Variants in NECAB2 observed in about 807,000 individuals in gnomAD.
NECAB2 encodes the protein N-terminal EF-hand calcium-binding protein 2.
A neutral mutation model predicts 51.9 loss-of-function variants in NECAB2; 68 were observed. The ratio of observed to expected loss-of-function variants is 1.31; its 90% CI spans 1.08 to 1.60. The LOEUF (loss-of-function observed/expected upper bound fraction) is 1.60. Ranked by LOEUF, NECAB2 falls within the 40% of genes most tolerant of loss-of-function variation. The pLI is 0.00. For missense variants in NECAB2, 854 were observed against 490.3 expected (o/e 1.74, Z -7.00); for synonymous variants, 329 against 203.5 (o/e 1.62, Z -5.25).
Position 84,000,747 on chromosome 16 carries a change from A to G in NECAB2, c.986A>G (p.Asp329Gly), listed in dbSNP as rs2084813449. ...CFHITAVRLS[D>G]GFTFVIYEFW... is the part of the protein sequence containing the mutation. ...AGCATCACTGCCGTGAGGCTCTCAG[A>G]TGGCTTCACCTTTGTCATCTATGAG... is the stretch of plus-strand genomic sequence containing the variant. Residue 329 changes from aspartate to glycine, a missense_variant, in exon 11 of 13, where the codon GAT (aspartate) becomes GGT (glycine). Asp to Gly is a moderately conservative substitution (Grantham distance 94). Transcript: ENST00000305202. 5 of 1,613,852 alleles carry G rather than the reference A, an allele frequency of 3.1e-6. No individual in the cohort carries two copies. In the African/African-American group the frequency reaches 4.0e-5, roughly 13 times the overall value.
Position 83,978,437 on chromosome 16 carries a change from C to T in NECAB2, c.227-7C>T, listed in dbSNP as rs771515727. On this transcript the variant is annotated splice_polypyrimidine_tract_variant and splice_region_variant and intron_variant, in intron 2 of 12. Coordinates refer to ENST00000305202, the MANE Select transcript of NECAB2 (RefSeq NM_019065.3). The stretch of plus-strand genomic sequence containing the variant: ...ACCAGCTCCTTTCTCTGCTTCCTTC[C>T]TTGCAGATGATGGGAAGCTGTCCTT... 9.9e-6 allele frequency: 16 copies of T among 1,612,408 alleles called. No homozygotes were observed. Among genetic ancestry groups the T allele is most frequent in the Admixed American group, 1.7e-5 (1 of 60,006 alleles).
chr16:83,984,883 A>T (rs974177138), intron 5 of NECAB2, among the ~76,000 whole-genome samples: 1 of 152,070 alleles, frequency 6.6e-6, no homozygotes, highest in Non-Finnish European at 1.5e-5. Context: ...ATTTCATGAC[A>T]TGTTTTCTTA....
At chr16:83,999,464 A>C (rs1423690986) in intron 10 of NECAB2, among the ~76,000 whole-genome samples, 2 of 152,206 alleles carry the variant, frequency 1.3e-5, no homozygotes, top group African/African-American at 2.4e-5. Context: ...CTGGAGAGCC[A>C]GGTGAGATTC....
At chr16:83,989,527 G>A (rs2084595403) in intron 5 of NECAB2, among the ~76,000 whole-genome samples, 1 of 152,180 alleles carries the variant, frequency 6.6e-6, no homozygotes, top group African/African-American at 2.4e-5. Flanking sequence ...CAGGGACTGG[G>A]CAGAAATCCA....
chr16:83,998,388 G>A (rs973383932), intron 10 of NECAB2, 71 bp downstream of exon 10: 2 of 1,440,756 alleles, frequency 1.4e-6, no homozygotes, highest in African/African-American at 1.4e-5. Flanking sequence ...GAACAGGGCA[G>A]GACTAGGCTT....
upstream of NECAB2, among the ~76,000 whole-genome samples, chr16:83,967,179 C>T (rs1388180804): frequency 6.6e-6 from 1 of 152,096 alleles, no homozygotes; most frequent in Non-Finnish European, 1.5e-5. Flanking sequence ...TCCAGCAGTT[C>T]AGTTTTAATT....
At chr16:83,985,313 CAAAAAAAAAAAAAAAAAAAAA>C (rs71148868) in intron 5 of NECAB2, among the ~76,000 whole-genome samples, 3 of 30,160 alleles carry the variant, frequency 9.9e-5, no homozygotes, top group Admixed American at 7.6e-4. Context: ...ATCTCTGTCT[CAAAAAAAAAAAAAAAAAAAAA>C]AAAAAAAAAA....
intron 6 of NECAB2, among the ~76,000 whole-genome samples, chr16:83,991,035 G>A (rs1461971300): frequency 6.6e-6 from 1 of 152,142 alleles, no homozygotes; most frequent in African/African-American, 2.4e-5. Context: ...GCCCAGGAGT[G>A]CAGTGGCGTG....
intron 10 of NECAB2, among the ~76,000 whole-genome samples, chr16:84,000,523 G>C (rs1425672116): frequency 6.6e-6 from 1 of 152,178 alleles, no homozygotes; most frequent in Non-Finnish European, 1.5e-5. Flanking sequence ...TTAATAAATA[G>C]CTGTTGGCCA....
rs956517375 is a variant in NECAB2 at position 84,002,766 on chromosome 16, G to C, written c.*420G>C. On this transcript the variant is annotated 3_prime_UTR_variant, in exon 13 of 13. Coordinates refer to ENST00000305202, the MANE Select transcript of NECAB2 (RefSeq NM_019065.3). ...TGTGCCCAGGCGCCAAATAAACCCT[G>C]GTTGGGAAGAGCTGTGTGCTCTGTG... The C allele has an allele frequency of 4.7e-6, 1 of 212,504 alleles. No homozygotes were observed. The highest frequency in any genetic ancestry group is 2.3e-5 in the African/African-American group (1 of 44,140). 13.2% of individuals were successfully genotyped at this position (212,504 alleles called of 1,614,324 possible).
intron 10 of NECAB2, among the ~76,000 whole-genome samples, chr16:83,999,863 G>C (rs1158016926): frequency 6.9e-6 from 1 of 144,804 alleles, no homozygotes; most frequent in Non-Finnish European, 1.5e-5. Flanking sequence ...AAGATGCTTT[G>C]ATTTTTAAAG....
chr16:83,983,389 C>G (rs1459402059), intron 5 of NECAB2, among the ~76,000 whole-genome samples: 2 of 152,176 alleles, frequency 1.3e-5, no homozygotes, highest in African/African-American at 4.8e-5. Flanking sequence ...GGGGCACGGC[C>G]AGGCATGCTT....
In NECAB2 at chr16:83,994,314, C is replaced by G. The variant is rs778491123; in HGVS notation, c.609C>G (p.Ile203Met). Residue 203 changes from isoleucine (I) to methionine (M), a missense_variant, in exon 7 of 13, where the codon ATC becomes ATG. Coordinates refer to ENST00000305202, the MANE Select transcript of NECAB2 (RefSeq NM_019065.3). ...ATCCAAACTGCAGACAGAACCACAT[C>G]AAACCCAGCCACAGCGCGGCACAGA... The part of the protein sequence containing the change: ...EQTSQLRQNH[I>M]KPSHSAAQTW... 73 of 1,614,090 alleles carry G rather than the reference C, an allele frequency of 4.5e-5. No individual in the cohort carries two copies. Among genetic ancestry groups the G allele is most frequent in the Middle Eastern group, 1.6e-4 (1 of 6,084 alleles).
At chr16:84,001,153 T>A (rs1015126407) in intron 11 of NECAB2, among the ~76,000 whole-genome samples, 1 of 152,080 alleles carries the variant, frequency 6.6e-6, no homozygotes, top group Admixed American at 6.5e-5. Context: ...TCAGTCCCCA[T>A]GTGATCAATT....
At chr16:83,967,289 T>C (rs960739198), upstream of NECAB2, among the ~76,000 whole-genome samples, 1 of 151,826 alleles carries the variant, frequency 6.6e-6, no homozygotes, top group African/African-American at 2.4e-5. Context: ...GTTTTGCCCA[T>C]TGCTGGAACT....
At chr16:83,982,488 C>G (rs2084500696) in intron 5 of NECAB2, among the ~76,000 whole-genome samples, 2 of 152,194 alleles carry the variant, frequency 1.3e-5, no homozygotes, top group South Asian at 2.1e-4. Context: ...GTCACCCAGA[C>G]AAGGGTGGCA....
chr16:83,974,407 C>G (rs1204733158), intron 2 of NECAB2, among the ~76,000 whole-genome samples: 1 of 152,174 alleles, frequency 6.6e-6, no homozygotes, highest in Non-Finnish European at 1.5e-5. Context: ...ATCAATAAGT[C>G]CCCGCTGCTC....
At chr16:83,970,208 G>T (rs575782902) in intron 1 of NECAB2, among the ~76,000 whole-genome samples, 16 of 152,260 alleles carry the variant, frequency 1.1e-4, no homozygotes, top group Non-Finnish European at 2.1e-4. Context: ...TGAGCGGGGG[G>T]TGGGGCGGGA....
At chr16:83,999,521 CCCCAAGATGGAATCCAG>C (rs1309798913) in intron 10 of NECAB2, among the ~76,000 whole-genome samples, 1 of 152,096 alleles carries the variant, frequency 6.6e-6, no homozygotes, top group Admixed American at 6.6e-5. Flanking sequence ...GGTGTGTCCA[CCCCAAGATGGAATCCAG>C]CCCGGCCCCT....
Sources: gnomAD v4.1 joint callset for allele counts (sites outside exome capture counted in the v4.1 genomes callset) on GRCh38, gnomAD v4.1.1 for gene constraint, MANE v1.5 for transcripts, NCBI Gene and HGNC (gene_info 2026-07-23, HGNC 2026-07-21) for gene names.